Variants in STX19 observed in about 807,000 individuals in gnomAD.
The protein encoded by STX19 is syntaxin-19.
Under a neutral mutation model 24.3 loss-of-function variants are expected in STX19, and 26 were observed. The ratio of observed to expected loss-of-function variants is 1.07; its 90% CI spans 0.78 to 1.48. STX19 has a LOEUF of 1.48. Ranked by LOEUF, STX19 falls within the 40% of genes most tolerant of loss-of-function variation. The pLI, the probability that STX19 is intolerant of heterozygous loss-of-function variation, is 0.00. For synonymous variants in STX19, 116 were observed against 106.9 expected (o/e 1.09, Z -0.52); for missense variants, 367 against 331.9 (o/e 1.11, Z -0.82).
chr3:94,015,022 C>T lies in STX19; in HGVS notation c.248G>A (p.Arg83Lys), dbSNP rs749681776. The change falls in exon 2 of 2, where the codon AGA (arginine) becomes AAA (lysine). Residue 83 changes from arginine to lysine, a missense_variant. Coordinates refer to ENST00000315099, the MANE Select transcript of STX19 (RefSeq NM_001001850.3). Reference protein sequence around the residue: ...QQQKSLVASMRRFSLLKREST... With the variant: ...QQQKSLVASMKRFSLLKREST... ...CTCTCTCTTAAGTAGACTAAACCTT[C>T]TCATTGAAGCCACCAGACTTTTCTG... is the stretch of plus-strand genomic sequence containing the variant. 1.2e-6 allele frequency: 2 copies of T among 1,614,054 alleles called. No individual in the cohort carries two copies. Among genetic ancestry groups the T allele is most frequent in the Non-Finnish European group, 1.7e-6 (2 of 1,179,960 alleles).
chr3:94,026,113 G>A (rs992578318), intron 1 of STX19, among the ~76,000 whole-genome samples: 41 of 151,088 alleles, frequency 2.7e-4, no homozygotes, highest in African/African-American at 9.3e-4. Context: ...TCCGCCTTCC[G>A]GGTTCACGCC....
At position 94,015,020 on chromosome 3, in the gene STX19, T is replaced by A; in HGVS notation, c.250A>T (p.Arg84Trp). 1 of 1,614,048 alleles carries A rather than the reference T, an allele frequency of 6.2e-7. No individual in the cohort carries two copies. The highest frequency in any genetic ancestry group is 8.5e-7 in the Non-Finnish European group (1 of 1,179,962). ...GACTCTCTCTTAAGTAGACTAAACC[T>A]TCTCATTGAAGCCACCAGACTTTTC... ...QQKSLVASMR[R>W]FSLLKRESTI... Residue 84 changes from arginine (R) to tryptophan (W), a missense_variant, in exon 2 of 2, where the codon AGG (arginine) becomes TGG (tryptophan). By Grantham distance (101) the Arg-to-Trp change is moderately radical. Transcript: ENST00000315099.
chr3:94,016,503 A>G (rs2076335945), intron 1 of STX19, among the ~76,000 whole-genome samples: 3 of 152,236 alleles, frequency 2.0e-5, no homozygotes. Context: ...TTTATACTAA[A>G]AATAACAAAA....
chr3:94,019,005 A>G (rs2076392547), intron 1 of STX19, among the ~76,000 whole-genome samples: 1 of 152,110 alleles, frequency 6.6e-6, no homozygotes. Context: ...ATCTCAGGCG[A>G]TCCGCCCTCT....
At position 94,014,371 on chromosome 3, in the gene STX19, T is replaced by TC. The variant is rs749445609; in HGVS notation, c.*13_*14insG. On this transcript the variant is annotated 3_prime_UTR_variant, in exon 2 of 2. Coordinates refer to ENST00000315099, the MANE Select transcript of STX19 (RefSeq NM_001001850.3). ...TTTTACCGTAAAGCTGGAAAAAGTT[T>TC]TAAAATAGCTTCTTTATTTTGAGCT... is the stretch of plus-strand genomic sequence containing the variant. 9 of 1,512,304 alleles carry TC rather than the reference T, an allele frequency of 6.0e-6. No homozygotes were observed. In the East Asian group the frequency reaches 2.1e-4, roughly 35 times the overall value. 93.7% of individuals were successfully genotyped at this position (1,512,304 alleles called of 1,614,324 possible).
Position 94,014,908 on chromosome 3 carries a change from A to G in STX19, c.362T>C (p.Val121Ala), listed in dbSNP as rs1188887133. 1 of 1,613,346 alleles carries G rather than the reference A, an allele frequency of 6.2e-7. No homozygotes were observed. Among genetic ancestry groups the G allele is most frequent in the Admixed American group, 1.7e-5 (1 of 59,926 alleles). ...GACCACTGAAGATGGACCATTTTCA[A>G]CCTCTGACTTTTTAACTTCTTTAAC... is the stretch of plus-strand genomic sequence containing the variant. ...DLVKEVKKSEVENGPSSVVTR... is the reference protein window; with the variant it reads ...DLVKEVKKSEAENGPSSVVTR... The change falls in exon 2 of 2, where the codon GTT (valine) becomes GCT (alanine). Residue 121 changes from valine (V) to alanine (A), a missense_variant. By Grantham distance (64) the Val-to-Ala change is moderately conservative (BLOSUM62 0). Coordinates refer to ENST00000315099, the MANE Select transcript of STX19 (RefSeq NM_001001850.3).
intron 1 of STX19, among the ~76,000 whole-genome samples, chr3:94,024,874 T>C (rs543867730): frequency 7.4e-4 from 113 of 152,266 alleles, no homozygotes; most frequent in African/African-American, 2.7e-3. Context: ...AGGCATGAGC[T>C]AGTGCACCCA....
chr3:94,017,047 G>A (rs988222093), intron 1 of STX19, among the ~76,000 whole-genome samples: 2 of 152,132 alleles, frequency 1.3e-5, no homozygotes, highest in African/African-American at 4.8e-5. Flanking sequence ...ATGCTATTCA[G>A]AGCAAATTGC....
rs376426265 is a variant in STX19, at chr3:94,021,168, C to T, written c.-13-5886G>A. Among the ~76,000 whole-genome samples the T allele has an allele frequency of 3.7e-4, 55 of 148,414 alleles. No homozygotes were observed. In the South Asian group the frequency reaches 9.4e-3, roughly 25 times the overall value. ...GTGTTAAAAAGTTGTTTTTGTCTTT[C>T]GTGTTTAATATTATTATATATATAT... On this transcript the variant is annotated intron_variant, in intron 1 of 1. Coordinates refer to ENST00000315099, the MANE Select transcript of STX19 (RefSeq NM_001001850.3).
In STX19 at chr3:94,015,149, AAAT is replaced by A; in HGVS notation, c.118_120del (p.Ile40del). 6.2e-7 allele frequency: 1 copy of A among 1,613,960 alleles called. No homozygotes were observed. On this transcript the variant is annotated inframe_deletion, in exon 2 of 2. Coordinates refer to ENST00000315099, the MANE Select transcript of STX19 (RefSeq NM_001001850.3). ...CTCTCAGCTACAGGCTCTCTTTCAT[AAAT>A]AACAGCTTGCTGTAGAAACACCCCT...
intron 1 of STX19, 35 bp from the exon 2 acceptor site, chr3:94,015,317 A>T: frequency 6.8e-7 from 1 of 1,476,598 alleles, no homozygotes. Context: ...GAACAAGTAG[A>T]AATTTGGTAT....
intron 1 of STX19, 118 bp from the exon 2 acceptor site, chr3:94,015,400 A>T: frequency 1.5e-6 from 1 of 674,048 alleles, no homozygotes. Context: ...TTCTCAAATG[A>T]GGTTAAAAAG....
In STX19 at chr3:94,020,763, G is replaced by A. The variant is rs946575896; in HGVS notation, c.-13-5481C>T. ...AAGAGCAAGTTTTTGTTGCTGAAAT[G>A]CACTTAAAGCATTCTACTATTTATT... On this transcript the variant is annotated intron_variant, in intron 1 of 1. Coordinates refer to ENST00000315099, the MANE Select transcript of STX19 (RefSeq NM_001001850.3). Among the ~76,000 whole-genome samples, 4 of 152,152 alleles carry A rather than the reference G, an allele frequency of 2.6e-5. No homozygotes were observed. The East Asian group carries it at 7.7e-4, about 29-fold the overall frequency.
chr3:94,019,012 C>G lies in STX19; in HGVS notation c.-13-3730G>C, dbSNP rs572768803. Among the ~76,000 whole-genome samples, 50 of 152,286 alleles carry G rather than the reference C, an allele frequency of 3.3e-4. 1 individual carries two copies. In the East Asian group the frequency reaches 7.7e-3, roughly 24 times the overall value. ...AACTCCTGATCTCAGGCGATCCGCC[C>G]TCTTCGGCCTCCCAAAGTGCTGGGA... is the stretch of plus-strand genomic sequence containing the variant. On this transcript the variant is annotated intron_variant, in intron 1 of 1. Transcript: ENST00000315099.
At chr3:94,021,258 A>G (rs186590103) in intron 1 of STX19, among the ~76,000 whole-genome samples, 7 of 151,166 alleles carry the variant, frequency 4.6e-5, no homozygotes, top group African/African-American at 1.7e-4. Context: ...CAGTGTCATG[A>G]TCTCAGCTCA....
chr3:94,021,297 C>T (rs1258221215), intron 1 of STX19, among the ~76,000 whole-genome samples: 2 of 151,466 alleles, frequency 1.3e-5, no homozygotes, highest in African/African-American at 4.9e-5. Context: ...GGGTTCGAAG[C>T]GATTCTCCTG....
intron 1 of STX19, among the ~76,000 whole-genome samples, chr3:94,015,816 C>T (rs979992718): frequency 4.6e-5 from 7 of 152,014 alleles, no homozygotes; most frequent in African/African-American, 4.8e-5. Context: ...TTAAATTTTC[C>T]GAAGCCTCTG....
chr3:94,016,240 G>A (rs540495655), intron 1 of STX19, among the ~76,000 whole-genome samples: 105 of 152,184 alleles, frequency 6.9e-4, no homozygotes, highest in Admixed American at 5.6e-3. Flanking sequence ...GATAAGAAGA[G>A]GCTGTTAGGG....
chr3:94,023,544 A>G (rs2076493366), intron 1 of STX19, among the ~76,000 whole-genome samples: 2 of 151,218 alleles, frequency 1.3e-5, no homozygotes, highest in South Asian at 4.2e-4. Context: ...TCTTTGTATT[A>G]TTTTCATGGC....
Sources: allele counts gnomAD v4.1 joint callset (sites outside exome capture counted in the v4.1 genomes callset), GRCh38; gene constraint gnomAD v4.1.1; transcripts MANE v1.5; gene names NCBI Gene and HGNC (gene_info 2026-07-23, HGNC 2026-07-21).